The following ABI1 variants were observed in gnomAD, a reference collection of about 807,000 sequenced individuals.
ABI1 encodes the protein Abelson interactor 1.
In ABI1, 14 loss-of-function variants were observed where a neutral mutation model predicts 54.6. The ratio of observed to expected loss-of-function variants is 0.26; its 90% confidence interval spans 0.17 to 0.40. ABI1 has a LOEUF of 0.40. Ranked by LOEUF, ABI1 falls within the 10% of genes least tolerant of loss-of-function variation. ABI1 has a pLI of 1.00. For missense variants in ABI1, 443 were observed against 598.3 expected (o/e 0.74, Z 2.71); for synonymous variants, 194 against 209.3 (o/e 0.93, Z 0.63).
Position 26,860,607 on chromosome 10 carries a change from G to T in ABI1, c.117+140C>A. On this transcript the variant is annotated intron_variant, in intron 1 of 10. Coordinates refer to ENST00000376140, the MANE Select transcript of ABI1 (RefSeq NM_001012750.3). The surrounding 1 kb of genome is among the most constrained non-coding windows in gnomAD (Gnocchi z 4.1). The stretch of plus-strand genomic sequence containing the variant: ...GCCACTCGCTCTGTCCCCGGTTGGG[G>T]CTGGGGTTGGGGCTGCGGTAGGGGC... The T allele has an allele frequency of 2.9e-6, 2 of 685,660 alleles. No individual in the cohort carries two copies. Among genetic ancestry groups the T allele is most frequent in the East Asian group, 5.1e-5 (2 of 39,192 alleles). The allele number at this position is 685,660 out of a possible 1,614,324, so 42.5% of individuals were successfully genotyped here.
intron 7 of ABI1, among the ~76,000 whole-genome samples, chr10:26,760,082 TA>T (rs200610491): frequency 0.015 from 2,087 of 141,592 alleles, 22 homozygotes; most frequent in African/African-American, 0.033. Flanking sequence ...AATCTGCTTT[TA>T]AAAAAAAAAA....
intron 4 of ABI1, chr10:26,770,569 G>A (rs1315184815): frequency 5.7e-6 from 4 of 704,490 alleles, no homozygotes; most frequent in Non-Finnish European, 1.0e-5. Flanking sequence ...ATACAGGTGA[G>A]ATGACTGGAT....
chr10:26,799,840 A>T (rs2046426955), intron 2 of ABI1, among the ~76,000 whole-genome samples: 1 of 152,160 alleles, frequency 6.6e-6, no homozygotes, highest in Non-Finnish European at 1.5e-5. Context: ...CTCTGACAGT[A>T]CATTTTGCTG....
At chr10:26,756,608 AAAT>A (rs1838343223) in intron 8 of ABI1, among the ~76,000 whole-genome samples, 1 of 152,178 alleles carries the variant, frequency 6.6e-6, no homozygotes, top group Non-Finnish European at 1.5e-5. Flanking sequence ...AATTAATACC[AAAT>A]ACTCATGTAT....
chr10:26,848,836 T>C (rs2050186151), intron 1 of ABI1, among the ~76,000 whole-genome samples: 1 of 152,016 alleles, frequency 6.6e-6, no homozygotes, highest in Non-Finnish European at 1.5e-5. Context: ...CTCGAACTCC[T>C]GACCTCAGGT....
At chr10:26,853,234 CAA>C (rs35205764) in intron 1 of ABI1, among the ~76,000 whole-genome samples, 2 of 85,586 alleles carry the variant, frequency 2.3e-5, no homozygotes, top group African/African-American at 9.7e-5. Flanking sequence ...GACTCCATCT[CAA>C]AAAAAAAAAA....
At chr10:26,813,131 C>T (rs1414360053) in intron 2 of ABI1, among the ~76,000 whole-genome samples, 1 of 151,930 alleles carries the variant, frequency 6.6e-6, no homozygotes, top group African/African-American at 2.4e-5. Flanking sequence ...CACCTGTAAT[C>T]CTAGCTACTT....
At chr10:26,778,309 T>A (rs941615781) in intron 2 of ABI1, among the ~76,000 whole-genome samples, 1 of 152,096 alleles carries the variant, frequency 6.6e-6, no homozygotes, top group Middle Eastern at 3.2e-3. Context: ...CAACTTAAAA[T>A]CTGGCTTAAT....
At chr10:26,843,472 AAAAAAAAAAAAAAATATATATAT>A (rs1328620990) in intron 1 of ABI1, among the ~76,000 whole-genome samples, 81 of 64,536 alleles carry the variant, frequency 1.3e-3, no homozygotes, top group South Asian at 8.9e-3. Context: ...AAAAAAAAAA[AAAAAAAAAAAAAAATATATATAT>A]ATATATATAT....
intron 2 of ABI1, among the ~76,000 whole-genome samples, chr10:26,783,181 T>C (rs536817487): frequency 3.3e-5 from 5 of 152,328 alleles, no homozygotes; most frequent in Admixed American, 1.3e-4. Context: ...GAGGACATTA[T>C]TGAGTGAAAT....
chr10:26,830,396 A>G (rs2048587252), intron 1 of ABI1, among the ~76,000 whole-genome samples: 1 of 152,072 alleles, frequency 6.6e-6, no homozygotes, highest in African/African-American at 2.4e-5. Flanking sequence ...TCATGGCGAG[A>G]GGACTGCTTA....
chr10:26,857,248 G>A (rs1169509075), intron 1 of ABI1, among the ~76,000 whole-genome samples: 3 of 148,828 alleles, frequency 2.0e-5, no homozygotes, highest in Non-Finnish European at 4.4e-5. Flanking sequence ...TTGAACCCAG[G>A]AGGTGGAGGT....
chr10:26,860,204 C>T lies in ABI1; in HGVS notation c.117+543G>A, dbSNP rs865915323. Reference sequence around the variant, plus strand: ...AAATAAAAGACACACCCTCTGGGGGCTGAAACTGACATAATCGCCCCCACC... The same window carrying T: ...AAATAAAAGACACACCCTCTGGGGGTTGAAACTGACATAATCGCCCCCACC... On this transcript the variant is annotated intron_variant, in intron 1 of 10. Transcript: ENST00000376140. The surrounding 1 kb of genome is among the most constrained non-coding windows in gnomAD (Gnocchi z 4.1). 3.3e-5 allele frequency among the ~76,000 whole-genome samples: 5 copies of T among 152,246 alleles called. No homozygotes were observed. The highest frequency in any genetic ancestry group is 4.4e-5 in the Non-Finnish European group (3 of 68,026).
intron 2 of ABI1, among the ~76,000 whole-genome samples, chr10:26,811,761 TTG>T (rs2047246023): frequency 1.9e-4 from 3 of 15,644 alleles, no homozygotes; most frequent in Non-Finnish European, 2.0e-4. Flanking sequence ...ATGCAAAGAT[TTG>T]TATAAATTTG....
intron 2 of ABI1, among the ~76,000 whole-genome samples, chr10:26,794,647 G>A (rs2133252888): frequency 6.6e-6 from 1 of 151,436 alleles, no homozygotes; most frequent in Non-Finnish European, 1.5e-5. Context: ...GTTACTGTAA[G>A]GATTAAATGA....
At chr10:26,818,951 C>A (rs931216455) in intron 2 of ABI1, among the ~76,000 whole-genome samples, 1 of 152,158 alleles carries the variant, frequency 6.6e-6, no homozygotes, top group African/African-American at 2.4e-5. Context: ...CGAGATCGCA[C>A]CACTGTACTC....
intron 2 of ABI1, among the ~76,000 whole-genome samples, chr10:26,778,596 T>C (rs1359612773): frequency 6.6e-6 from 1 of 152,166 alleles, no homozygotes; most frequent in African/African-American, 2.4e-5. Flanking sequence ...CAGAACTTTT[T>C]AATCGAGAAA....
intron 8 of ABI1, among the ~76,000 whole-genome samples, chr10:26,757,399 T>C (rs550404490): frequency 1.5e-5 from 2 of 134,136 alleles, no homozygotes; most frequent in East Asian, 4.3e-4. Flanking sequence ...TATAAAACTA[T>C]GTATTATATA....
chr10:26,788,251 G>A (rs1195458771), intron 2 of ABI1, among the ~76,000 whole-genome samples: 1 of 152,148 alleles, frequency 6.6e-6, no homozygotes, highest in Non-Finnish European at 1.5e-5. Flanking sequence ...GGCCTCCCCA[G>A]CCATGTGGAA....
Sources: gnomAD v4.1 joint callset for allele counts (sites outside exome capture counted in the v4.1 genomes callset) on GRCh38, gnomAD v4.1.1 for gene constraint, Gnocchi (gnomAD v3.1) non-coding constraint, MANE v1.5 for transcripts, NCBI Gene and HGNC (gene_info 2026-07-23, HGNC 2026-07-21) for gene names.